Variants in SPMAP2L observed in about 807,000 individuals in gnomAD.
SPMAP2L encodes the protein sperm microtubule associated protein 2 like.
the SPMAP2L span, among the ~76,000 whole-genome samples, chr4:56,568,993 T>C: frequency 6.6e-6 from 1 of 152,226 alleles, no homozygotes; most frequent in African/African-American, 2.4e-5. Context: ...TATAAGTAAA[T>C]TTGTTTTTAT....
the SPMAP2L span, among the ~76,000 whole-genome samples, chr4:56,587,721 A>G: frequency 6.6e-6 from 1 of 152,098 alleles, no homozygotes; most frequent in Non-Finnish European, 1.5e-5. Context: ...TTGTTGATTG[A>G]TGGGCATTTG....
chr4:56,626,025 T>C, the SPMAP2L span, among the ~76,000 whole-genome samples: 1 of 152,158 alleles, frequency 6.6e-6, no homozygotes, highest in Non-Finnish European at 1.5e-5. Flanking sequence ...TCCCAGCCGA[T>C]GCCAACCATC....
the SPMAP2L span, among the ~76,000 whole-genome samples, chr4:56,558,149 G>T: frequency 6.6e-6 from 1 of 151,862 alleles, no homozygotes; most frequent in South Asian, 2.1e-4. Flanking sequence ...TTGTACTTTT[G>T]TAGAGACAGG....
chr4:56,606,726 T>C, the SPMAP2L span, among the ~76,000 whole-genome samples: 1 of 152,210 alleles, frequency 6.6e-6, no homozygotes, highest in Non-Finnish European at 1.5e-5. Flanking sequence ...CCAGACCACG[T>C]AGGGCACTGG....
chr4:56,612,332 T>TA, the SPMAP2L span, among the ~76,000 whole-genome samples: 1 of 152,184 alleles, frequency 6.6e-6, no homozygotes, highest in African/African-American at 2.4e-5. Context: ...AAACATTTTT[T>TA]ACCCAAACAT....
chr4:56,592,016 G>A, the SPMAP2L span, among the ~76,000 whole-genome samples: 31 of 152,148 alleles, frequency 2.0e-4, no homozygotes, highest in Admixed American at 1.6e-3. Context: ...ATACCGGTCC[G>A]TGGCCTGTTA....
chr4:56,541,430 G>T, the SPMAP2L span, among the ~76,000 whole-genome samples: 1 of 152,076 alleles, frequency 6.6e-6, no homozygotes, highest in Non-Finnish European at 1.5e-5. Context: ...CATCACTAGA[G>T]TCATTTTTTG....
At chr4:56,543,727 T>C in the SPMAP2L span, among the ~76,000 whole-genome samples, 1 of 152,022 alleles carries the variant, frequency 6.6e-6, no homozygotes, top group Non-Finnish European at 1.5e-5. Flanking sequence ...TGTTTAAAGC[T>C]TTAGAACAAC....
At chr4:56,575,678 T>G in the SPMAP2L span, 1 of 1,525,178 alleles carries the variant, frequency 6.6e-7, no homozygotes, top group African/African-American at 1.4e-5. Flanking sequence ...AATCCTAATC[T>G]AATTTGGCCA....
At chr4:56,559,529 C>T in the SPMAP2L span, 1 of 1,491,700 alleles carries the variant, frequency 6.7e-7, no homozygotes. Context: ...AGGTTAGTGT[C>T]TGTGTGTTAT....
the SPMAP2L span, among the ~76,000 whole-genome samples, chr4:56,586,304 C>T: frequency 2.6e-5 from 4 of 152,150 alleles, no homozygotes; most frequent in African/African-American, 9.7e-5. Flanking sequence ...GGTGAGGGCC[C>T]ACTCCCTGGC....
the SPMAP2L span, among the ~76,000 whole-genome samples, chr4:56,615,504 T>C: frequency 6.6e-6 from 1 of 152,090 alleles, no homozygotes; most frequent in Non-Finnish European, 1.5e-5. Context: ...CCCAGCACTT[T>C]GGGAGGCCGA....
the SPMAP2L span, chr4:56,600,903 A>G: frequency 6.6e-7 from 1 of 1,518,438 alleles, no homozygotes; most frequent in Non-Finnish European, 8.8e-7. Context: ...AATTTGGGAT[A>G]TATTTTTGTG....
chr4:56,614,648 G>A, the SPMAP2L span, among the ~76,000 whole-genome samples: 3 of 151,586 alleles, frequency 2.0e-5, no homozygotes, highest in African/African-American at 4.9e-5. Context: ...AGCGAGATCC[G>A]TCTAAAAAAA....
chr4:56,587,004 T>C, the SPMAP2L span, among the ~76,000 whole-genome samples: 1 of 152,176 alleles, frequency 6.6e-6, no homozygotes, highest in Non-Finnish European at 1.5e-5. Context: ...ATGCTATAAA[T>C]AATCAATAGC....
chr4:56,563,739 C>T, the SPMAP2L span, among the ~76,000 whole-genome samples: 2 of 152,068 alleles, frequency 1.3e-5, no homozygotes, highest in Admixed American at 1.3e-4. Context: ...CCAACTCTGC[C>T]ATTATAGCAC....
chr4:56,556,410 C>T, the SPMAP2L span, among the ~76,000 whole-genome samples: 4 of 151,912 alleles, frequency 2.6e-5, no homozygotes, highest in East Asian at 1.9e-4. Context: ...ATTATGACTG[C>T]GAAAGAAAAT....
At chr4:56,550,631 T>C in the SPMAP2L span, among the ~76,000 whole-genome samples, 3 of 152,192 alleles carry the variant, frequency 2.0e-5, no homozygotes, top group Non-Finnish European at 4.4e-5. Context: ...TTGTGTCCCA[T>C]AAATTTTTAT....
chr4:56,597,497 C>T, the SPMAP2L span, among the ~76,000 whole-genome samples: 1 of 152,114 alleles, frequency 6.6e-6, no homozygotes, highest in Non-Finnish European at 1.5e-5. Context: ...GCCAGTTTCA[C>T]CCTGTTTCAA....
Sources: allele counts gnomAD v4.1 joint callset (sites outside exome capture counted in the v4.1 genomes callset), GRCh38; gene constraint gnomAD v4.1.1; transcripts MANE v1.5; gene names NCBI Gene and HGNC (gene_info 2026-07-23, HGNC 2026-07-21).